LY9: variants seen among roughly 807,000 people sequenced by gnomAD.
LY9 encodes lymphocyte antigen 9.
In LY9, 59 loss-of-function variants were observed where a neutral mutation model predicts 64.6. The observed-to-expected ratio is 0.91, with a 90% confidence interval of 0.74 to 1.13. The LOEUF (loss-of-function observed/expected upper bound fraction) is 1.13, where lower values mean the gene tolerates loss of function less well. Ranked by LOEUF, LY9 falls within the 50% of genes most tolerant of loss-of-function variation. The pLI, the probability that LY9 is intolerant of heterozygous loss-of-function variation, is 0.00. For synonymous variants in LY9, 281 were observed against 308.5 expected, an observed-to-expected ratio of 0.91 and a Z score of 0.93; for missense variants, 789 against 797.2, an observed-to-expected ratio of 0.99 and a Z score of 0.12.
At position 160,824,246 on chromosome 1, in the gene LY9, T is replaced by C. The variant is rs1367135242; in HGVS notation, c.1896T>C (p.Pro632=). Residue 632 remains proline (P), a synonymous_variant, in exon 9 of 10, where the codon CCT becomes CCC. Coordinates refer to ENST00000263285, the MANE Select transcript of LY9 (RefSeq NM_002348.4). ...SATIYCSIRK[P]QVVPPPQQND... ...CAATCTACTGCTCCATACGGAAACC[T>C]CAGGTGGTGAGAACTACATTCTCTG... 5 of 1,614,080 alleles carry C rather than the reference T, an allele frequency of 3.1e-6. No homozygotes were observed. The highest frequency in any genetic ancestry group is 4.2e-6 in the Non-Finnish European group (5 of 1,179,994).
intron 1 of LY9, chr1:160,797,402 C>A: frequency 2.3e-6 from 1 of 443,492 alleles, no homozygotes; most frequent in Non-Finnish European, 3.0e-6. Flanking sequence ...TCCAGTCTGA[C>A]CTCTTTTCAC....
rs945984336 is a variant in LY9, at chr1:160,828,023, C to T, written c.*207C>T. On this transcript the variant is annotated 3_prime_UTR_variant, in exon 10 of 10. Transcript: ENST00000263285. ...TCAGACACAGGCTCCTTCTTGGAGC[C>T]TATGGGCTTCAGATGTCTTTGCCCC... The T allele has an allele frequency of 2.5e-6, 1 of 399,322 alleles. No homozygotes were observed. The highest frequency in any genetic ancestry group is 4.5e-6 in the Non-Finnish European group (1 of 221,422). The allele number at this position is 399,322 out of a possible 1,614,324, so 24.7% of individuals were successfully genotyped here. A position where few individuals can be genotyped will look rare whatever the true frequency, so the allele number is the denominator to read the frequency against.
chr1:160,826,867 T>C (rs1668877223), intron 9 of LY9, among the ~76,000 whole-genome samples: 2 of 152,194 alleles, frequency 1.3e-5, no homozygotes, highest in South Asian at 4.1e-4. Flanking sequence ...CTTTCTACTC[T>C]GGCCTGGCCC....
intron 2 of LY9, 109 bp from the exon 3 acceptor site, chr1:160,813,527 T>C: frequency 9.3e-7 from 1 of 1,080,330 alleles, no homozygotes; most frequent in Admixed American, 2.3e-5. Flanking sequence ...CAGGTAACGC[T>C]GGCCTCTCTC....
At chr1:160,800,306 C>G (rs773340414) in intron 2 of LY9, 1 of 492,068 alleles carries the variant, frequency 2.0e-6, no homozygotes, top group Non-Finnish European at 3.6e-6. Flanking sequence ...TATGTTTGTA[C>G]CCTTTAACCC....
At chr1:160,805,099 G>C (rs1329311776) in intron 2 of LY9, among the ~76,000 whole-genome samples, 1 of 151,706 alleles carries the variant, frequency 6.6e-6, no homozygotes, top group African/African-American at 2.4e-5. Flanking sequence ...CTACTTCATC[G>C]AGTTTTGCTC....
At chr1:160,809,366 A>ACTT (rs1329481679) in intron 2 of LY9, among the ~76,000 whole-genome samples, 1 of 150,136 alleles carries the variant, frequency 6.7e-6, no homozygotes, top group Non-Finnish European at 1.5e-5. Context: ...TATTATTACT[A>ACTT]CTACTATTAC....
chr1:160,803,285 A>AC (rs1313557510), intron 2 of LY9, among the ~76,000 whole-genome samples: 1 of 126,516 alleles, frequency 7.9e-6, no homozygotes, highest in African/African-American at 2.6e-5. Flanking sequence ...CGTGTCTAAA[A>AC]AAAAATTTTT....
At chr1:160,826,355 G>T (rs1209825433) in intron 9 of LY9, among the ~76,000 whole-genome samples, 1 of 152,152 alleles carries the variant, frequency 6.6e-6, no homozygotes, top group Non-Finnish European at 1.5e-5. Flanking sequence ...GGCACACTCA[G>T]TGTGATGTTT....
chr1:160,800,282 T>C (rs1666323548), intron 2 of LY9, 200 bp downstream of exon 2: 1 of 564,066 alleles, frequency 1.8e-6, no homozygotes, highest in African/African-American at 1.9e-5. Flanking sequence ...GAATTGATTT[T>C]CTCTATCTTA....
chr1:160,798,340 T>G (rs1474907962), intron 1 of LY9, among the ~76,000 whole-genome samples: 1 of 152,156 alleles, frequency 6.6e-6, no homozygotes, highest in African/African-American at 2.4e-5. Context: ...TGATCAACCC[T>G]GTAATCTCAG....
At chr1:160,811,583 A>G (rs1051433422) in intron 2 of LY9, 4 of 152,176 alleles carry the variant, frequency 2.6e-5, no homozygotes, top group African/African-American at 9.7e-5. Context: ...CTCCACAGCT[A>G]AGTACCCAAA....
intron 1 of LY9, among the ~76,000 whole-genome samples, chr1:160,797,710 G>A (rs1666024195): frequency 6.6e-6 from 1 of 152,184 alleles, no homozygotes. Flanking sequence ...AGGCAGTCGA[G>A]TGAAAAGACC....
chr1:160,821,151 T>TAAAAAAAAAAAAAAAAAAAA (rs373539992), intron 7 of LY9, among the ~76,000 whole-genome samples: 18 of 105,048 alleles, frequency 1.7e-4, no homozygotes, highest in South Asian at 4.1e-4. Flanking sequence ...GAAACTTTGC[T>TAAAAAAAAAAAAAAAAAAAA]AAAAAAAAAA....
At chr1:160,808,263 C>T (rs936489267) in intron 2 of LY9, among the ~76,000 whole-genome samples, 1 of 152,192 alleles carries the variant, frequency 6.6e-6, no homozygotes, top group Non-Finnish European at 1.5e-5. Context: ...CTACTTAGCT[C>T]TACCTGCAGA....
intron 2 of LY9, among the ~76,000 whole-genome samples, chr1:160,805,919 C>CTTTTTTTTTTTTTT (rs60244350): frequency 1.3e-3 from 95 of 72,146 alleles, no homozygotes; most frequent in Non-Finnish European, 1.7e-3. Context: ...CATTCTTTGT[C>CTTTTTTTTTTTTTT]TTTTTTTTTT....
intron 2 of LY9, chr1:160,801,716 G>C: frequency 8.6e-7 from 1 of 1,159,372 alleles, no homozygotes; most frequent in Non-Finnish European, 1.3e-6. Context: ...AACTGATTTT[G>C]AGGAGGTTTT....
chr1:160,800,938 C>G (rs1666412628), intron 2 of LY9, among the ~76,000 whole-genome samples: 1 of 152,170 alleles, frequency 6.6e-6, no homozygotes, highest in Non-Finnish European at 1.5e-5. Flanking sequence ...TATGTGTATA[C>G]TGCATTTTCT....
At chr1:160,822,812 G>C (rs184904138) in intron 7 of LY9, among the ~76,000 whole-genome samples, 1 of 152,154 alleles carries the variant, frequency 6.6e-6, no homozygotes, top group Admixed American at 6.5e-5. Context: ...CATGCTGATT[G>C]CCTAAGGCCT....
Sources: gnomAD v4.1 joint callset for allele counts (sites outside exome capture counted in the v4.1 genomes callset) on GRCh38, gnomAD v4.1.1 for gene constraint, MANE v1.5 for transcripts, NCBI Gene and HGNC (gene_info 2026-07-23, HGNC 2026-07-21) for gene names.